The following KCNIP4 variants were observed in gnomAD, a reference collection of about 807,000 sequenced individuals.
KCNIP4 encodes the protein potassium voltage-gated channel interacting protein 4.
KCNIP4 carries 12 observed loss-of-function variants against 34.0 expected under a neutral mutation model. The observed-to-expected ratio is 0.35, with a 90% CI of 0.23 to 0.57. KCNIP4 has a LOEUF of 0.57. Among genes scored for constraint, KCNIP4 ranks in the 20% least tolerant of loss-of-function variants. The pLI, the probability that KCNIP4 is intolerant of heterozygous loss-of-function variation, is 0.83. For synonymous variants in KCNIP4, 124 were observed against 102.2 expected, an observed-to-expected ratio of 1.21 and a Z score of -1.29; for missense variants, 238 against 311.7, an observed-to-expected ratio of 0.76 and a Z score of 1.78.
At chr4:21,118,451 T>C (rs562926208) in intron 1 of KCNIP4, among the ~76,000 whole-genome samples, 4 of 152,338 alleles carry the variant, frequency 2.6e-5, no homozygotes, top group African/African-American at 9.6e-5. Context: ...AGCTTCCCTG[T>C]GCCAACAACC....
intron 1 of KCNIP4, among the ~76,000 whole-genome samples, chr4:21,522,903 T>G (rs1170882359): frequency 6.6e-6 from 1 of 152,088 alleles, no homozygotes; most frequent in Non-Finnish European, 1.5e-5. Context: ...TGCTAAGGTA[T>G]AAATGTTTGT....
intron 1 of KCNIP4, among the ~76,000 whole-genome samples, chr4:21,519,740 G>GTATGTGTATAT (rs556963421): frequency 9.1e-6 from 1 of 110,216 alleles, no homozygotes; most frequent in African/African-American, 4.0e-5. Context: ...GTATATGTAT[G>GTATGTGTATAT]ATACACACGT....
chr4:21,108,421 G>A (rs985862321), intron 1 of KCNIP4, among the ~76,000 whole-genome samples: 1 of 151,582 alleles, frequency 6.6e-6, no homozygotes, highest in Non-Finnish European at 1.5e-5. Context: ...TCTTCACGTA[G>A]TTCTCGAGCC....
At chr4:21,665,514 C>A (rs540124386) in intron 1 of KCNIP4, among the ~76,000 whole-genome samples, 21 of 142,696 alleles carry the variant, frequency 1.5e-4, no homozygotes, top group African/African-American at 4.8e-4. Context: ...ACAGGGCACC[C>A]CCCCCCCCTC....
At chr4:20,856,086 A>G (rs1309053709) in intron 2 of KCNIP4, among the ~76,000 whole-genome samples, 4 of 152,190 alleles carry the variant, frequency 2.6e-5, no homozygotes, top group Non-Finnish European at 5.9e-5. Context: ...ATTCTATTCA[A>G]TGGGTCCTGA....
chr4:21,713,985 T>C (rs529104376), intron 1 of KCNIP4, among the ~76,000 whole-genome samples: 1 of 152,302 alleles, frequency 6.6e-6, no homozygotes, highest in African/African-American at 2.4e-5. Flanking sequence ...GCACTTCCAC[T>C]CAATTCTAAA....
chr4:21,767,706 G>A (rs1426018379), intron 1 of KCNIP4, among the ~76,000 whole-genome samples: 4 of 151,776 alleles, frequency 2.6e-5, no homozygotes, highest in Non-Finnish European at 5.9e-5. Context: ...TTTTTCTCTT[G>A]CCATAGAGAA....
intron 1 of KCNIP4, among the ~76,000 whole-genome samples, chr4:20,923,789 A>G (rs1449081213): frequency 6.6e-6 from 1 of 152,164 alleles, no homozygotes; most frequent in Non-Finnish European, 1.5e-5. Context: ...TGGCTACTGT[A>G]TCTTTAGGGG....
chr4:21,390,339 G>T (rs1257730592), intron 1 of KCNIP4, among the ~76,000 whole-genome samples: 3 of 152,102 alleles, frequency 2.0e-5, no homozygotes, highest in Non-Finnish European at 2.9e-5. Context: ...GGCTTTTGTT[G>T]CCATTGCTTT....
At chr4:21,907,838 T>C (rs1728085731) in intron 1 of KCNIP4, among the ~76,000 whole-genome samples, 1 of 152,098 alleles carries the variant, frequency 6.6e-6, no homozygotes, top group African/African-American at 2.4e-5. Flanking sequence ...ATACTCACAG[T>C]GGAAATAAGG....
At chr4:21,352,597 C>A (rs1430432714) in intron 1 of KCNIP4, among the ~76,000 whole-genome samples, 1 of 152,188 alleles carries the variant, frequency 6.6e-6, no homozygotes, top group Admixed American at 6.5e-5. Flanking sequence ...ATTGCTGAGG[C>A]TTGAGCAGGT....
At chr4:20,864,076 G>C (rs10024108) in intron 2 of KCNIP4, among the ~76,000 whole-genome samples, 1 of 149,364 alleles carries the variant, frequency 6.7e-6, no homozygotes, top group African/African-American at 2.5e-5. Flanking sequence ...GTATACGTAT[G>C]TATGTATGTA....
chr4:21,203,329 G>C (rs527614191), intron 1 of KCNIP4, among the ~76,000 whole-genome samples: 1 of 150,332 alleles, frequency 6.7e-6, no homozygotes, highest in Non-Finnish European at 1.5e-5. Context: ...GGTGTGTATT[G>C]ACTGGATGAT....
intron 1 of KCNIP4, among the ~76,000 whole-genome samples, chr4:21,872,465 T>C (rs1041233716): frequency 2.0e-5 from 3 of 152,132 alleles, no homozygotes; most frequent in African/African-American, 2.4e-5. Context: ...GTTTTGACGA[T>C]TGTAGGTATG....
intron 1 of KCNIP4, among the ~76,000 whole-genome samples, chr4:21,635,982 C>G (rs1312382920): frequency 2.0e-5 from 3 of 151,882 alleles, no homozygotes; most frequent in South Asian, 2.1e-4. Context: ...AGTTCATGTC[C>G]TTTGTAGGGA....
chr4:21,601,296 T>C (rs2109120345), intron 1 of KCNIP4, among the ~76,000 whole-genome samples: 1 of 152,146 alleles, frequency 6.6e-6, no homozygotes, highest in African/African-American at 2.4e-5. Flanking sequence ...ATCCATGCAA[T>C]TAAAAAGTGC....
At chr4:21,153,258 G>A (rs1421931919) in intron 1 of KCNIP4, among the ~76,000 whole-genome samples, 1 of 151,924 alleles carries the variant, frequency 6.6e-6, no homozygotes, top group East Asian at 1.9e-4. Context: ...ATGTCACAAA[G>A]CAACATATAA....
intron 1 of KCNIP4, among the ~76,000 whole-genome samples, chr4:21,822,999 G>A (rs1722456232): frequency 6.6e-6 from 1 of 151,992 alleles, no homozygotes; most frequent in South Asian, 2.1e-4. Context: ...TTACAGGCGT[G>A]AGCTGACCAA....
chr4:21,696,147 C>G (rs1712287518), intron 1 of KCNIP4, among the ~76,000 whole-genome samples: 1 of 152,132 alleles, frequency 6.6e-6, no homozygotes, highest in African/African-American at 2.4e-5. Flanking sequence ...TAACAATCCT[C>G]TTAATATCTA....
Sources: allele counts gnomAD v4.1 joint callset (sites outside exome capture counted in the v4.1 genomes callset), GRCh38; gene constraint gnomAD v4.1.1; transcripts MANE v1.5; gene names NCBI Gene and HGNC (gene_info 2026-07-23, HGNC 2026-07-21).